Variants in CSMD1 observed in about 807,000 individuals in gnomAD.
CSMD1 encodes CUB and sushi domain-containing protein 1.
Under a neutral mutation model 417.5 loss-of-function variants are expected in CSMD1, and 213 were observed. The ratio of observed to expected loss-of-function variants is 0.51; its 90% CI spans 0.46 to 0.57. The LOEUF is 0.57. Among genes scored for constraint, CSMD1 ranks in the 20% least tolerant of loss-of-function variants. CSMD1 has a pLI of 0.00. For missense variants in CSMD1, 6,923 were observed against 4,529.7 expected (o/e 1.53, Z -15.17); for synonymous variants, 2,862 against 1,736.8 (o/e 1.65, Z -16.11).
At chr8:4,194,519 C>T (rs748544162) in intron 3 of CSMD1, among the ~76,000 whole-genome samples, 55 of 152,264 alleles carry the variant, frequency 3.6e-4, no homozygotes, top group African/African-American at 9.9e-4. Context: ...TGCCAGGAAG[C>T]ATCTCAACAA....
intron 10 of CSMD1, among the ~76,000 whole-genome samples, chr8:3,499,241 T>C (rs887746167): frequency 6.6e-5 from 10 of 152,344 alleles, no homozygotes; most frequent in Admixed American, 4.6e-4. Context: ...GTCTTCATGA[T>C]ATTTATTTGG....
At chr8:3,150,561 T>C (rs1387130340) in intron 40 of CSMD1, among the ~76,000 whole-genome samples, 1 of 152,210 alleles carries the variant, frequency 6.6e-6, no homozygotes, top group Non-Finnish European at 1.5e-5. Context: ...AGGGCAGTTA[T>C]TTCTATTTAT....
chr8:4,268,995 T>C (rs1307445665), intron 3 of CSMD1, among the ~76,000 whole-genome samples: 3 of 152,232 alleles, frequency 2.0e-5, no homozygotes, highest in African/African-American at 4.8e-5. Context: ...ATTTTCTTAA[T>C]TTCCTGATTG....
chr8:3,907,625 C>T (rs965172830), intron 5 of CSMD1, among the ~76,000 whole-genome samples: 88 of 152,244 alleles, frequency 5.8e-4, no homozygotes, highest in African/African-American at 2.1e-3. Context: ...TAAGTTCAGG[C>T]TCATTGATGA....
intron 3 of CSMD1, among the ~76,000 whole-genome samples, chr8:4,378,638 A>G (rs1474327251): frequency 6.6e-6 from 1 of 152,214 alleles, no homozygotes; most frequent in South Asian, 2.1e-4. Flanking sequence ...CAAAAAGAAT[A>G]GGTGGATAGC....
At chr8:3,453,624 G>C (rs548560728) in intron 12 of CSMD1, among the ~76,000 whole-genome samples, 5 of 152,262 alleles carry the variant, frequency 3.3e-5, no homozygotes, top group South Asian at 2.1e-4. Flanking sequence ...GAGTAGTTTT[G>C]AGAGACTTTC....
intron 3 of CSMD1, among the ~76,000 whole-genome samples, chr8:4,105,335 G>GA (rs1554450493): frequency 0.089 from 11,660 of 131,438 alleles, 520 homozygotes; most frequent in Middle Eastern, 0.19. Context: ...TAACACTTCT[G>GA]AATTTTTTTT....
chr8:3,565,482 T>C (rs921767909), intron 10 of CSMD1, among the ~76,000 whole-genome samples: 3 of 152,218 alleles, frequency 2.0e-5, no homozygotes, highest in Non-Finnish European at 4.4e-5. Context: ...TACTGAACCA[T>C]ATCTATTCCA....
chr8:4,191,718 T>A (rs1407201579), intron 3 of CSMD1, among the ~76,000 whole-genome samples: 1 of 136,478 alleles, frequency 7.3e-6, no homozygotes, highest in Non-Finnish European at 1.5e-5. Flanking sequence ...ATACTCTCCT[T>A]CCACTGAAAA....
chr8:4,326,302 G>A (rs981050596), intron 3 of CSMD1, among the ~76,000 whole-genome samples: 1 of 152,172 alleles, frequency 6.6e-6, no homozygotes, highest in Non-Finnish European at 1.5e-5. Flanking sequence ...AGCAAGGACA[G>A]CGGATAAGTC....
intron 20 of CSMD1, among the ~76,000 whole-genome samples, chr8:3,359,614 G>A (rs1563308919): frequency 6.6e-6 from 1 of 151,000 alleles, no homozygotes; most frequent in Non-Finnish European, 1.5e-5. Context: ...ATGGAGGGAA[G>A]GATAAAGTGA....
At chr8:4,455,564 T>G (rs1011351630) in intron 2 of CSMD1, among the ~76,000 whole-genome samples, 1 of 152,160 alleles carries the variant, frequency 6.6e-6, no homozygotes, top group Non-Finnish European at 1.5e-5. Context: ...TATGACCTCC[T>G]GCTTGTGAGA....
intron 48 of CSMD1, 49 bp downstream of exon 48, chr8:3,091,467 C>G: frequency 2.2e-6 from 3 of 1,389,966 alleles, no homozygotes; most frequent in Non-Finnish European, 2.9e-6. Context: ...CAATGAAAAT[C>G]ACCTGTTTTA....
chr8:4,589,974 A>G (rs1799901874), intron 2 of CSMD1, among the ~76,000 whole-genome samples: 1 of 152,236 alleles, frequency 6.6e-6, no homozygotes, highest in Non-Finnish European at 1.5e-5. Context: ...AGGCTAAGCA[A>G]GTGCTTAAGA....
At chr8:2,986,694 C>T (rs7008095) in intron 54 of CSMD1, among the ~76,000 whole-genome samples, 125 of 152,008 alleles carry the variant, frequency 8.2e-4, no homozygotes, top group African/African-American at 2.5e-3. Flanking sequence ...TTAGTAGAGA[C>T]GGGTTTTCAC....
intron 2 of CSMD1, among the ~76,000 whole-genome samples, chr8:4,594,360 T>C (rs1800149776): frequency 6.6e-6 from 1 of 151,926 alleles, no homozygotes; most frequent in Non-Finnish European, 1.5e-5. Flanking sequence ...CCAGCATGCC[T>C]GGCTAATTTT....
intron 5 of CSMD1, among the ~76,000 whole-genome samples, chr8:3,928,452 T>G (rs1208418453): frequency 2.0e-5 from 3 of 152,186 alleles, no homozygotes; most frequent in African/African-American, 7.2e-5. Context: ...AACTGCTGAA[T>G]TAATTCAATC....
intron 3 of CSMD1, among the ~76,000 whole-genome samples, chr8:4,375,779 C>T (rs549357568): frequency 6.6e-6 from 1 of 152,252 alleles, no homozygotes; most frequent in East Asian, 1.9e-4. Context: ...AGTGATTTCC[C>T]CCTCTTCAAA....
intron 1 of CSMD1, among the ~76,000 whole-genome samples, chr8:4,959,502 C>T (rs555874174): frequency 1.3e-5 from 2 of 152,310 alleles, no homozygotes; most frequent in African/African-American, 4.8e-5. Context: ...TATCTTCAAA[C>T]GTATCCAGAA....
Sources: gnomAD v4.1 joint callset for allele counts (sites outside exome capture counted in the v4.1 genomes callset) on GRCh38, gnomAD v4.1.1 for gene constraint, MANE v1.5 for transcripts, NCBI Gene and HGNC (gene_info 2026-07-23, HGNC 2026-07-21) for gene names.